HS6ST2: variants seen among roughly 807,000 people sequenced by gnomAD.
HS6ST2 encodes heparan-sulfate 6-O-sulfotransferase 2.
In HS6ST2, 17 loss-of-function variants were observed where a neutral mutation model predicts 33.0. That is an observed-to-expected ratio of 0.52 (90% CI 0.35 to 0.77). The LOEUF (loss-of-function observed/expected upper bound fraction) is 0.77. HS6ST2 is among the 30% of genes least tolerant of loss of function. HS6ST2 has a pLI of 0.01. For synonymous variants in HS6ST2, 248 were observed against 237.1 expected (o/e 1.05, Z -0.42); for missense variants, 519 against 551.7 (o/e 0.94, Z 0.59).
intron 2 of HS6ST2, among the ~76,000 whole-genome samples, chrX:132,890,881 A>G (rs1287426325): frequency 9.0e-6 from 1 of 111,493 alleles, no homozygotes; most frequent in African/African-American, 3.3e-5. Flanking sequence ...TAAAAGGCCT[A>G]GTGCATTTAT....
At chrX:132,952,988 C>T (rs1435293537) in intron 2 of HS6ST2, among the ~76,000 whole-genome samples, 1 of 111,448 alleles carries the variant, frequency 9.0e-6, no homozygotes, top group African/African-American at 3.3e-5. Context: ...ACTTGTATAG[C>T]CATGGACCCT....
At chrX:132,708,420 C>T (rs1216616605) in intron 3 of HS6ST2, 42 bp downstream of exon 3, 1 of 1,007,265 alleles carries the variant, frequency 9.9e-7, no homozygotes, top group Admixed American at 3.4e-5. Context: ...TTTTTTCTAG[C>T]TTACTTGGGT....
chrX:132,673,564 G>A (rs773667658), intron 3 of HS6ST2, among the ~76,000 whole-genome samples: 2 of 112,379 alleles, frequency 1.8e-5, no homozygotes, highest in South Asian at 7.5e-4. Flanking sequence ...TCCAATGTGT[G>A]TTCTTGTAAG....
chrX:132,739,351 A>G (rs1253613041), intron 2 of HS6ST2, among the ~76,000 whole-genome samples: 1 of 111,275 alleles, frequency 9.0e-6, no homozygotes, highest in Non-Finnish European at 1.9e-5. Context: ...CCATGAGTCC[A>G]GAATGTACAG....
rs183424700 is a variant in HS6ST2, at chrX:132,715,014, A to T, written c.948-6520T>A. On this transcript the variant is annotated intron_variant, in intron 2 of 4. Transcript: ENST00000370833. ...AAAGCAATGACTAATACAGGCAAAT[A>T]AGCCCCTCTGTGCTGGCAAATCATT... 3.5e-4 allele frequency among the ~76,000 whole-genome samples: 39 copies of T among 112,370 alleles called. 2 individuals are homozygous for T. The Middle Eastern group carries it at 0.037, about 107-fold the overall frequency.
intron 2 of HS6ST2, among the ~76,000 whole-genome samples, chrX:132,797,541 G>T (rs2065193718): frequency 8.9e-6 from 1 of 112,406 alleles, no homozygotes; most frequent in South Asian, 3.7e-4. Context: ...GCGAACAGAG[G>T]TTTGGACCTA....
chrX:132,702,905 T>C (rs183112150), intron 3 of HS6ST2, among the ~76,000 whole-genome samples: 2 of 112,030 alleles, frequency 1.8e-5, no homozygotes, highest in East Asian at 5.6e-4. Context: ...AAGTGCTCAA[T>C]AGATACATAT....
intron 4 of HS6ST2, among the ~76,000 whole-genome samples, chrX:132,656,297 C>T (rs1006802824): frequency 9.0e-6 from 1 of 110,974 alleles, no homozygotes; most frequent in African/African-American, 3.3e-5. Context: ...TGTCCAATAG[C>T]CAGAACTGCT....
chrX:132,860,449 T>C (rs919802055), intron 2 of HS6ST2, among the ~76,000 whole-genome samples: 5 of 112,403 alleles, frequency 4.4e-5, no homozygotes, highest in Non-Finnish European at 7.5e-5. Flanking sequence ...TTGCCAACCA[T>C]CACACAGTAA....
intron 4 of HS6ST2, among the ~76,000 whole-genome samples, chrX:132,636,378 C>T (rs182348447): frequency 3.6e-5 from 4 of 111,424 alleles, no homozygotes; most frequent in African/African-American, 9.8e-5. Flanking sequence ...AGCTGTTGTC[C>T]CTGACTTTTT....
chrX:132,650,072 A>T (rs2063678664), intron 4 of HS6ST2, among the ~76,000 whole-genome samples: 1 of 111,501 alleles, frequency 9.0e-6, no homozygotes, highest in African/African-American at 3.3e-5. Flanking sequence ...TAAAGATATA[A>T]AGAGGACTTG....
intron 2 of HS6ST2, among the ~76,000 whole-genome samples, chrX:132,936,666 C>T (rs1005029270): frequency 1.8e-5 from 2 of 111,060 alleles, no homozygotes; most frequent in Middle Eastern, 4.3e-3. Flanking sequence ...CACTTAGATA[C>T]AAAGAGAGGA....
chrX:132,809,549 C>T (rs1243636705), intron 2 of HS6ST2, among the ~76,000 whole-genome samples: 1 of 111,955 alleles, frequency 8.9e-6, no homozygotes, highest in Non-Finnish European at 1.9e-5. Context: ...TCTGATCCCA[C>T]ATTTTAACTA....
intron 2 of HS6ST2, among the ~76,000 whole-genome samples, chrX:132,743,845 G>A (rs2064607886): frequency 8.9e-6 from 1 of 111,755 alleles, no homozygotes; most frequent in African/African-American, 3.3e-5. Flanking sequence ...ATGGCTTACT[G>A]CAGCCTCAAT....
chrX:132,705,982 GT>G (rs947752047), intron 3 of HS6ST2, among the ~76,000 whole-genome samples: 3 of 110,886 alleles, frequency 2.7e-5, no homozygotes, highest in African/African-American at 9.8e-5. Flanking sequence ...TGATTCAGTT[GT>G]TTTGAAAATA....
intron 2 of HS6ST2, among the ~76,000 whole-genome samples, chrX:132,874,728 T>C (rs1373558010): frequency 6.3e-5 from 7 of 111,927 alleles, no homozygotes; most frequent in Non-Finnish European, 1.3e-4. Flanking sequence ...TCATGGTTCC[T>C]TGGGACCCCC....
intron 2 of HS6ST2, among the ~76,000 whole-genome samples, chrX:132,860,049 C>A (rs2065895805): frequency 9.0e-6 from 1 of 111,406 alleles, no homozygotes; most frequent in Non-Finnish European, 1.9e-5. Flanking sequence ...CCTTCCAGAT[C>A]ATTATGCATT....
intron 2 of HS6ST2, among the ~76,000 whole-genome samples, chrX:132,764,205 C>T: frequency 8.9e-6 from 1 of 112,225 alleles, no homozygotes; most frequent in Middle Eastern, 4.6e-3. Context: ...ATCTTTCAAC[C>T]TAGTTTGCTC....
At chrX:132,833,631 G>T (rs1394934434) in intron 2 of HS6ST2, among the ~76,000 whole-genome samples, 1 of 111,156 alleles carries the variant, frequency 9.0e-6, no homozygotes, top group Admixed American at 9.6e-5. Context: ...TCCCCACTTG[G>T]GGAAGTAAGC....
Sources: allele counts gnomAD v4.1 joint callset (sites outside exome capture counted in the v4.1 genomes callset), GRCh38; gene constraint gnomAD v4.1.1; transcripts MANE v1.5; gene names NCBI Gene and HGNC (gene_info 2026-07-23, HGNC 2026-07-21).